Variants in HERC6 observed in about 807,000 individuals in gnomAD.
HERC6 encodes HECT and RLD domain containing E3 ubiquitin protein ligase family member 6.
A neutral mutation model predicts 114.5 loss-of-function variants in HERC6; 101 were observed. That is an observed-to-expected ratio of 0.88 (90% confidence interval 0.75 to 1.04). The LOEUF (loss-of-function observed/expected upper bound fraction) is 1.04. Ranked by LOEUF, HERC6 falls within the 50% of genes least tolerant of loss-of-function variation. HERC6 has a pLI of 0.00. For missense variants in HERC6, 1,133 were observed against 1,230.9 expected, an observed-to-expected ratio of 0.92 and a Z score of 1.19; for synonymous variants, 408 against 436.2, an observed-to-expected ratio of 0.94 and a Z score of 0.81.
At chr4:88,412,363 T>C (rs562341302) in intron 11 of HERC6, among the ~76,000 whole-genome samples, 147 of 152,288 alleles carry the variant, frequency 9.7e-4, no homozygotes, top group Middle Eastern at 3.4e-3. Flanking sequence ...CCTAGCACTT[T>C]GGGAGGCCAA....
chr4:88,424,280 A>C (rs1737365994), intron 14 of HERC6, among the ~76,000 whole-genome samples: 1 of 152,178 alleles, frequency 6.6e-6, no homozygotes, highest in Non-Finnish European at 1.5e-5. Context: ...TGAGCCCCGG[A>C]GTTTGAGACC....
At chr4:88,387,876 G>A (rs1734667575) in intron 3 of HERC6, among the ~76,000 whole-genome samples, 1 of 152,202 alleles carries the variant, frequency 6.6e-6, no homozygotes, top group Non-Finnish European at 1.5e-5. Flanking sequence ...TTGGGGCACT[G>A]ACTTGCCTTT....
chr4:88,401,039 G>A (rs1008022972), intron 8 of HERC6, among the ~76,000 whole-genome samples: 1 of 152,100 alleles, frequency 6.6e-6, no homozygotes. Flanking sequence ...TTTTGCTTTG[G>A]TAAGATTGTG....
At position 88,424,354 on chromosome 4, in the gene HERC6, TC is replaced by T. The variant is rs779947377; in HGVS notation, c.1828-240del. 3.9e-5 allele frequency among the ~76,000 whole-genome samples: 6 copies of T among 152,056 alleles called. No homozygotes were observed. In the East Asian group the frequency reaches 1.2e-3, roughly 29 times the overall value. The stretch of plus-strand genomic sequence containing the variant: ...AAATACAAATACGTGGTAGCACGTA[TC>T]TGTACTCCCAGCTACTCAAGAGGCT... On this transcript the variant is annotated intron_variant, in intron 14 of 22. Transcript: ENST00000264346.
rs1248266455 is a variant in HERC6, at chr4:88,393,577, A to G, written c.754A>G (p.Thr252Ala). 1.2e-6 allele frequency: 2 copies of G among 1,604,320 alleles called. No individual in the cohort carries two copies. Among genetic ancestry groups the G allele is most frequent in the Non-Finnish European group, 1.7e-6 (2 of 1,172,460 alleles). ...TGGTGATGCACACACTGCGGTGCTT[A>G]CCCAGGTAATCCAAAACGTGTTGCT... is the stretch of plus-strand genomic sequence containing the variant. ...SCGDAHTAVL[T>A]QDGKVFTFGD... is the part of the protein sequence containing the mutation. The change falls in exon 5 of 23, where the codon ACC becomes GCC. Residue 252 changes from threonine (T) to alanine (A), a missense_variant. Around this residue, in one of 3 missense-constraint regions of HERC6, gnomAD observed 735 missense variants for 754.0 expected, o/e 0.97. Coordinates refer to ENST00000264346, the MANE Select transcript of HERC6 (RefSeq NM_017912.4).
At chr4:88,388,208 G>A (rs2110235993) in intron 3 of HERC6, among the ~76,000 whole-genome samples, 1 of 152,076 alleles carries the variant, frequency 6.6e-6, no homozygotes, top group African/African-American at 2.4e-5. Context: ...GATCACTTGA[G>A]GCCAGGAGTT....
At chr4:88,412,142 C>T (rs550172110) in intron 11 of HERC6, among the ~76,000 whole-genome samples, 2 of 152,066 alleles carry the variant, frequency 1.3e-5, no homozygotes, top group Admixed American at 6.6e-5. Flanking sequence ...CAAGGTAAAA[C>T]ACAAATAAAG....
At chr4:88,415,808 G>A (rs952566257) in intron 12 of HERC6, among the ~76,000 whole-genome samples, 1 of 152,176 alleles carries the variant, frequency 6.6e-6, no homozygotes, top group Non-Finnish European at 1.5e-5. Flanking sequence ...AGTAGGAGTT[G>A]CAGCAGAGAA....
chr4:88,423,305 A>G (rs1282962995), intron 13 of HERC6, among the ~76,000 whole-genome samples: 2 of 151,968 alleles, frequency 1.3e-5, no homozygotes, highest in Admixed American at 6.6e-5. Context: ...TCTTTCCCCA[A>G]TCAGAAACTG....
intron 13 of HERC6, among the ~76,000 whole-genome samples, chr4:88,418,628 T>C (rs1464007891): frequency 6.6e-6 from 1 of 152,226 alleles, no homozygotes; most frequent in Admixed American, 6.5e-5. Flanking sequence ...CACCGTGGCC[T>C]TGGCTCATTG....
chr4:88,409,068 A>T (rs942934688), intron 11 of HERC6, among the ~76,000 whole-genome samples: 5 of 152,204 alleles, frequency 3.3e-5, no homozygotes, highest in African/African-American at 1.2e-4. Flanking sequence ...ACCTGAAAAG[A>T]CATCTCAAAA....
intron 13 of HERC6, among the ~76,000 whole-genome samples, chr4:88,421,843 G>T (rs1194449234): frequency 6.6e-6 from 1 of 152,112 alleles, no homozygotes; most frequent in Non-Finnish European, 1.5e-5. Flanking sequence ...ATTTTGACTT[G>T]TATTTCCTTG....
intron 12 of HERC6, among the ~76,000 whole-genome samples, chr4:88,417,001 A>G (rs902175810): frequency 2.6e-5 from 4 of 152,232 alleles, no homozygotes; most frequent in Admixed American, 6.5e-5. Context: ...CCAGATGTTC[A>G]TAAAATCCAA....
intron 11 of HERC6, among the ~76,000 whole-genome samples, chr4:88,412,509 T>C (rs914307521): frequency 1.3e-5 from 2 of 152,184 alleles, no homozygotes; most frequent in Non-Finnish European, 2.9e-5. Context: ...GGTGGGAGGA[T>C]TGCCTCAACC....
At chr4:88,394,866 C>T (rs1276515677) in intron 5 of HERC6, among the ~76,000 whole-genome samples, 1 of 152,108 alleles carries the variant, frequency 6.6e-6, no homozygotes, top group South Asian at 2.1e-4. Flanking sequence ...TATTCATTGA[C>T]AATGTGATTC....
In HERC6 at chr4:88,436,955, T is replaced by C; in HGVS notation, c.2468T>C (p.Leu823Pro). 6.2e-7 allele frequency: 1 copy of C among 1,605,084 alleles called. No individual in the cohort carries two copies. The highest frequency in any genetic ancestry group is 8.5e-7 in the Non-Finnish European group (1 of 1,175,012). ...GCTGCTGATGACATTGGAGATGCGC[T>C]CTGCATACGCTTTTCTGTGAGTACT... ...DDAADDIGDA[L>P]CIRFSIHWDQ... The change falls in exon 19 of 23, where the codon CTC becomes CCC. Residue 823 changes from leucine (L) to proline (P), a missense_variant. Coordinates refer to ENST00000264346, the MANE Select transcript of HERC6 (RefSeq NM_017912.4).
intron 1 of HERC6, among the ~76,000 whole-genome samples, chr4:88,382,745 C>G (rs1245629646): frequency 6.6e-6 from 1 of 152,090 alleles, no homozygotes; most frequent in African/African-American, 2.4e-5. Flanking sequence ...CCAGGGGGAA[C>G]CTTTGATAAC....
intron 17 of HERC6, among the ~76,000 whole-genome samples, chr4:88,433,487 T>A (rs1738445754): frequency 6.6e-6 from 1 of 152,128 alleles, no homozygotes; most frequent in Admixed American, 6.5e-5. Flanking sequence ...AATCCACTCA[T>A]GGATTAATGA....
intron 10 of HERC6, among the ~76,000 whole-genome samples, chr4:88,407,035 T>C (rs1020334739): frequency 7.4e-5 from 11 of 147,756 alleles, no homozygotes; most frequent in African/African-American, 2.8e-4. Context: ...CTGGGATTAC[T>C]GGCATGAGCC....
Sources: allele counts gnomAD v4.1 joint callset (sites outside exome capture counted in the v4.1 genomes callset), GRCh38; gene constraint gnomAD v4.1.1; regional missense constraint gnomAD v4.1.1; transcripts MANE v1.5; gene names NCBI Gene and HGNC (gene_info 2026-07-23, HGNC 2026-07-21).